The following ADCY5 variants were observed in gnomAD, a reference collection of about 807,000 sequenced individuals.
The protein encoded by ADCY5 is adenylate cyclase type 5.
A neutral mutation model predicts 119.7 loss-of-function variants in ADCY5; 30 were observed. The observed-to-expected ratio is 0.25, with a 90% CI of 0.19 to 0.34. ADCY5 has a LOEUF of 0.34. Ranked by LOEUF, ADCY5 falls within the 10% of genes least tolerant of loss-of-function variation. The pLI, the probability that ADCY5 is intolerant of heterozygous loss-of-function variation, is 1.00. For synonymous variants in ADCY5, 753 were observed against 762.2 expected (o/e 0.99, Z 0.20); for missense variants, 1,324 against 1,775.2 (o/e 0.75, Z 4.57).
intron 1 of ADCY5, among the ~76,000 whole-genome samples, 195 bp downstream of exon 1, chr3:123,447,217 G>C (rs1431054141): frequency 6.6e-6 from 1 of 152,212 alleles, no homozygotes; most frequent in Non-Finnish European, 1.5e-5. Flanking sequence ...AACGACACAA[G>C]GGCACTCTTT....
At chr3:123,411,830 T>C (rs1302822700) in intron 1 of ADCY5, among the ~76,000 whole-genome samples, 2 of 152,194 alleles carry the variant, frequency 1.3e-5, no homozygotes, top group Non-Finnish European at 2.9e-5. Flanking sequence ...CACGTGGGGC[T>C]GTCCACCGTT....
intron 10 of ADCY5, 134 bp downstream of exon 10, chr3:123,319,540 G>T: frequency 9.2e-7 from 1 of 1,090,018 alleles, no homozygotes; most frequent in Middle Eastern, 2.5e-4. Flanking sequence ...AGGTAGTGCA[G>T]CATCAGAGCT....
chr3:123,342,238 G>A (rs1440264799), intron 3 of ADCY5, among the ~76,000 whole-genome samples: 1 of 152,204 alleles, frequency 6.6e-6, no homozygotes, highest in Admixed American at 6.5e-5. Flanking sequence ...TCCGCCCACA[G>A]GTATCTGAGT....
At chr3:123,300,934 G>A (rs1413238062) in intron 14 of ADCY5, among the ~76,000 whole-genome samples, 1 of 152,142 alleles carries the variant, frequency 6.6e-6, no homozygotes, top group Non-Finnish European at 1.5e-5. Context: ...CTCCACTGGG[G>A]GTGGGAGGCA....
chr3:123,433,388 C>T (rs976282679), intron 1 of ADCY5, among the ~76,000 whole-genome samples: 1 of 152,190 alleles, frequency 6.6e-6, no homozygotes, highest in Non-Finnish European at 1.5e-5. Flanking sequence ...GAAATGCTTA[C>T]GGGAAAGGGA....
At chr3:123,405,329 A>C (rs1361795154) in intron 1 of ADCY5, among the ~76,000 whole-genome samples, 1 of 152,250 alleles carries the variant, frequency 6.6e-6, no homozygotes, top group African/African-American at 2.4e-5. Context: ...TCTAGAGCAC[A>C]GGATGGAGAA....
intron 16 of ADCY5, among the ~76,000 whole-genome samples, chr3:123,296,437 C>T (rs1576534196): frequency 6.6e-6 from 1 of 152,224 alleles, no homozygotes; most frequent in African/African-American, 2.4e-5. Context: ...GCAGCTCAGG[C>T]AGCCATTACT....
At chr3:123,330,184 C>T (rs1033138774) in intron 5 of ADCY5, among the ~76,000 whole-genome samples, 2 of 152,194 alleles carry the variant, frequency 1.3e-5, no homozygotes, top group Non-Finnish European at 2.9e-5. Context: ...CCAACGGACC[C>T]GGCTGCCTTC....
chr3:123,416,143 G>T, intron 1 of ADCY5: 1 of 1,534,992 alleles, frequency 6.5e-7, no homozygotes, highest in South Asian at 1.2e-5. Flanking sequence ...AGCAGAAAGG[G>T]ACAGGTAGTG....
rs1576680972 is a variant in ADCY5 at position 123,414,595 on chromosome 3, C to T, written c.1134+32817G>A. Among the ~76,000 whole-genome samples the T allele has an allele frequency of 3.3e-5, 5 of 152,044 alleles. No homozygotes were observed. The South Asian group carries it at 6.2e-4, about 19-fold the overall frequency. ...TTTTTGAGACAAAGTCTGGCTGTGT[C>T]GCCCAGGCTGGAGTGCAGTGGCATG... On this transcript the variant is annotated intron_variant, in intron 1 of 20. Coordinates refer to ENST00000462833, the MANE Select transcript of ADCY5 (RefSeq NM_183357.3).
At chr3:123,292,986 G>A (rs1404579768) in intron 17 of ADCY5, among the ~76,000 whole-genome samples, 2 of 152,206 alleles carry the variant, frequency 1.3e-5, no homozygotes, top group Non-Finnish European at 2.9e-5. Context: ...TACAGCTGGG[G>A]GCAGAGCCAA....
At chr3:123,438,530 C>A (rs887324199) in intron 1 of ADCY5, among the ~76,000 whole-genome samples, 1 of 152,154 alleles carries the variant, frequency 6.6e-6, no homozygotes, top group Non-Finnish European at 1.5e-5. Flanking sequence ...TCCTGCTTCA[C>A]CCTGCCCAGG....
rs558552577 is a variant in ADCY5 at position 123,352,036 on chromosome 3, C to A, written c.1284+396G>T. 8.5e-5 allele frequency among the ~76,000 whole-genome samples: 13 copies of A among 152,328 alleles called. 1 individual carries two copies. In the South Asian group the frequency reaches 2.5e-3, roughly 29 times the overall value. On this transcript the variant is annotated intron_variant, in intron 2 of 20. Transcript: ENST00000462833. This position sits in a 1 kb window ranked among gnomAD's most constrained non-coding sequence, Gnocchi z 4.8. ...CCCTCATCCCTCCCCTGCGGAGCAC[C>A]TTAATCCCAGTTAGGAATGCTGGCT...
At chr3:123,359,354 A>ATATATATATG (rs1943161228) in intron 1 of ADCY5, among the ~76,000 whole-genome samples, 1 of 105,762 alleles carries the variant, frequency 9.5e-6, no homozygotes, top group African/African-American at 3.4e-5. Flanking sequence ...ATATATATAT[A>ATATATATATG]TATATATATT....
intron 1 of ADCY5, among the ~76,000 whole-genome samples, chr3:123,380,938 A>C (rs1944011391): frequency 6.6e-6 from 1 of 152,164 alleles, no homozygotes; most frequent in Admixed American, 6.5e-5. Context: ...TGCTAAGGAG[A>C]CAGCAAGCCT....
intron 5 of ADCY5, 58 bp downstream of exon 5, chr3:123,330,831 C>G: frequency 6.6e-7 from 1 of 1,516,962 alleles, no homozygotes; most frequent in Non-Finnish European, 8.8e-7. Flanking sequence ...GTCAGTCAGT[C>G]GCTCGGGCTG....
intron 1 of ADCY5, among the ~76,000 whole-genome samples, chr3:123,403,432 AGCCCTGGGTTC>A (rs1225913882): frequency 6.6e-6 from 1 of 151,770 alleles, no homozygotes; most frequent in Non-Finnish European, 1.5e-5. Flanking sequence ...AGAGCCAGAA[AGCCCTGGGTTC>A]ATTCAAGCTG....
At chr3:123,386,781 C>T (rs1273449982) in intron 1 of ADCY5, among the ~76,000 whole-genome samples, 1 of 152,126 alleles carries the variant, frequency 6.6e-6, no homozygotes, top group Non-Finnish European at 1.5e-5. Context: ...CCTGCCAGCG[C>T]CCCCGACCCC....
At chr3:123,347,631 TG>T in intron 3 of ADCY5, 150 bp downstream of exon 3, 3 of 1,003,662 alleles carry the variant, frequency 3.0e-6, no homozygotes, top group Non-Finnish European at 3.0e-6. Context: ...TTAACACACC[TG>T]GAGGGGTGGG....
Sources: gnomAD v4.1 joint callset for allele counts (sites outside exome capture counted in the v4.1 genomes callset) on GRCh38, gnomAD v4.1.1 for gene constraint, Gnocchi (gnomAD v3.1) non-coding constraint, MANE v1.5 for transcripts, NCBI Gene and HGNC (gene_info 2026-07-23, HGNC 2026-07-21) for gene names.